Variants in FHIT observed in about 807,000 individuals in gnomAD.
FHIT encodes the protein bis(5'-adenosyl)-triphosphatase.
FHIT carries 19 observed loss-of-function variants against 17.9 expected under a neutral mutation model. That is an observed-to-expected ratio of 1.06 (90% confidence interval 0.74 to 1.56). FHIT has a LOEUF of 1.56. Among genes scored for constraint, FHIT ranks in the 40% most tolerant of loss-of-function variants. The pLI, the probability that FHIT is intolerant of heterozygous loss-of-function variation, is 0.00. For missense variants in FHIT, 248 were observed against 189.2 expected (o/e 1.31, Z -1.82); for synonymous variants, 81 against 69.7 (o/e 1.16, Z -0.81).
At chr3:60,222,943 C>A (rs1230345012) in intron 5 of FHIT, among the ~76,000 whole-genome samples, 1 of 152,140 alleles carries the variant, frequency 6.6e-6, no homozygotes. Context: ...ACTTTTGCAC[C>A]AGCCTAACAG....
At chr3:60,433,778 T>C (rs115415288) in intron 5 of FHIT, among the ~76,000 whole-genome samples, 3,669 of 152,286 alleles carry the variant, frequency 0.024, 54 homozygotes, top group Non-Finnish European at 0.041. Flanking sequence ...AGTGGATTTT[T>C]TTGGCTATTG....
chr3:60,502,786 T>C (rs1177588483), intron 5 of FHIT, among the ~76,000 whole-genome samples: 1 of 151,976 alleles, frequency 6.6e-6, no homozygotes. Context: ...TTTAAATTGG[T>C]GAATTGCACG....
intron 5 of FHIT, among the ~76,000 whole-genome samples, chr3:60,153,423 G>A (rs1011764790): frequency 1.3e-5 from 2 of 149,670 alleles, no homozygotes; most frequent in South Asian, 2.1e-4. Context: ...ACACTCAGCT[G>A]AGCCCACCTG....
chr3:60,519,408 G>C lies in FHIT; in HGVS notation c.103+17452C>G, dbSNP rs548618483. Among the ~76,000 whole-genome samples the C allele has an allele frequency of 1.9e-3, 296 of 152,254 alleles. 3 individuals are homozygous for C. The highest frequency in any genetic ancestry group is 6.8e-3 in the Middle Eastern group (2 of 294). On this transcript the variant is annotated intron_variant, in intron 5 of 9. Transcript: ENST00000492590. Reference sequence around the variant, plus strand: ...TTACAGTTGGCCCTTGAACAATTAAGGGGCAAGTGATCCTGTACCACTCCC... The same window carrying C: ...TTACAGTTGGCCCTTGAACAATTAACGGGCAAGTGATCCTGTACCACTCCC...
At chr3:60,160,828 CAGAG>C (rs5849337) in intron 5 of FHIT, among the ~76,000 whole-genome samples, 100 of 144,584 alleles carry the variant, frequency 6.9e-4, no homozygotes, top group East Asian at 1.4e-3. Flanking sequence ...GTGAGTGTGA[CAGAG>C]AGAGAGAGAG....
intron 8 of FHIT, among the ~76,000 whole-genome samples, chr3:59,830,169 G>C (rs995810752): frequency 6.6e-6 from 1 of 152,172 alleles, no homozygotes; most frequent in Non-Finnish European, 1.5e-5. Flanking sequence ...GAATAGCTTA[G>C]TTTACTGTGA....
intron 5 of FHIT, among the ~76,000 whole-genome samples, chr3:60,306,412 A>T (rs1708678023): frequency 6.6e-6 from 1 of 152,200 alleles, no homozygotes; most frequent in Non-Finnish European, 1.5e-5. Context: ...AGTCAAGGCT[A>T]TGTGGAATAG....
chr3:60,482,027 T>C (rs1031240643), intron 5 of FHIT, among the ~76,000 whole-genome samples: 3 of 152,312 alleles, frequency 2.0e-5, no homozygotes, highest in South Asian at 4.1e-4. Flanking sequence ...CTTGCAGTCC[T>C]AGTCTCTGAC....
intron 5 of FHIT, among the ~76,000 whole-genome samples, chr3:60,480,189 G>C (rs761638145): frequency 1.3e-5 from 2 of 152,052 alleles, no homozygotes; most frequent in Non-Finnish European, 2.9e-5. Context: ...GGAGAGTCCG[G>C]AGACTTATCA....
At chr3:59,759,104 AG>A (rs1701370007) in intron 8 of FHIT, among the ~76,000 whole-genome samples, 1 of 151,936 alleles carries the variant, frequency 6.6e-6, no homozygotes, top group Non-Finnish European at 1.5e-5. Flanking sequence ...ATTTAAGTAA[AG>A]GGGCAGGAAG....
At chr3:61,111,418 G>C (rs1366468534) in intron 2 of FHIT, among the ~76,000 whole-genome samples, 1 of 152,060 alleles carries the variant, frequency 6.6e-6, no homozygotes, top group Non-Finnish European at 1.5e-5. Flanking sequence ...CCACCTTTTG[G>C]TATCTTAGGA....
intron 5 of FHIT, among the ~76,000 whole-genome samples, chr3:60,442,486 C>T (rs1448374232): frequency 1.3e-5 from 2 of 152,150 alleles, no homozygotes; most frequent in African/African-American, 2.4e-5. Context: ...CAGCTTTCTA[C>T]ATATGGCTAG....
chr3:60,078,798 CAT>C (rs1459543061), intron 5 of FHIT, among the ~76,000 whole-genome samples: 1 of 151,896 alleles, frequency 6.6e-6, no homozygotes, highest in Non-Finnish European at 1.5e-5. Flanking sequence ...TACACACACT[CAT>C]ATATAGGTGA....
chr3:60,924,961 G>C (rs1553769454), intron 3 of FHIT, among the ~76,000 whole-genome samples: 2 of 152,174 alleles, frequency 1.3e-5, no homozygotes, highest in African/African-American at 4.8e-5. Flanking sequence ...GGGTATCAGT[G>C]ATGGAAGATC....
intron 4 of FHIT, among the ~76,000 whole-genome samples, chr3:60,727,136 T>C (rs782665400): frequency 3.9e-5 from 6 of 152,164 alleles, no homozygotes; most frequent in Admixed American, 6.5e-5. Flanking sequence ...AAAACCATTA[T>C]AGAGAATGCA....
In FHIT at chr3:60,647,145, TATC is replaced by T. The variant is rs577514520; in HGVS notation, c.-17-110169_-17-110167del. Among the ~76,000 whole-genome samples, 298 of 152,296 alleles carry T rather than the reference TATC, an allele frequency of 2.0e-3. 2 individuals carry two copies. The highest frequency in any genetic ancestry group is 7.0e-3 in the African/African-American group (291 of 41,566). ...TTTAGCAATGAACACTAGGAAAACA[TATC>T]GTTGTGGAAAGGCATGGGAGAGAGT... On this transcript the variant is annotated intron_variant, in intron 4 of 9. Coordinates refer to ENST00000492590, the MANE Select transcript of FHIT (RefSeq NM_002012.4).
intron 2 of FHIT, among the ~76,000 whole-genome samples, chr3:61,156,350 G>T (rs2037533692): frequency 6.6e-6 from 1 of 152,010 alleles, no homozygotes; most frequent in African/African-American, 2.4e-5. Context: ...CTTTTTCACA[G>T]AAACATTGGT....
intron 5 of FHIT, among the ~76,000 whole-genome samples, chr3:60,467,732 T>G (rs1451034722): frequency 6.6e-6 from 1 of 152,066 alleles, no homozygotes; most frequent in Non-Finnish European, 1.5e-5. Flanking sequence ...TTTTGTGGCC[T>G]GAAATATGGT....
intron 3 of FHIT, among the ~76,000 whole-genome samples, chr3:61,014,978 G>A (rs1158441876): frequency 6.6e-6 from 1 of 151,076 alleles, no homozygotes; most frequent in African/African-American, 2.4e-5. Context: ...ATCTTGAAGT[G>A]TGTTAAAAGG....
Sources: gnomAD v4.1 joint callset for allele counts (sites outside exome capture counted in the v4.1 genomes callset) on GRCh38, gnomAD v4.1.1 for gene constraint, MANE v1.5 for transcripts, NCBI Gene and HGNC (gene_info 2026-07-23, HGNC 2026-07-21) for gene names.